Variants in CNTN1 observed in about 807,000 individuals in gnomAD.
CNTN1 encodes contactin-1.
In CNTN1, 38 loss-of-function variants were observed where a neutral mutation model predicts 126.4. That is an observed-to-expected ratio of 0.30 (90% CI 0.23 to 0.39). CNTN1 has a LOEUF of 0.39. Among genes scored for constraint, CNTN1 ranks in the 10% least tolerant of loss-of-function variants. The pLI is 1.00. For missense variants in CNTN1, 1,009 were observed against 1,248.4 expected (o/e 0.81, Z 2.89); for synonymous variants, 413 against 422.6 (o/e 0.98, Z 0.28).
chr12:41,022,917 T>A (rs1159524798), intron 20 of CNTN1, among the ~76,000 whole-genome samples: 2 of 152,178 alleles, frequency 1.3e-5, no homozygotes, highest in African/African-American at 4.8e-5. Context: ...CTTTTAAACC[T>A]TTTACACAGG....
intron 1 of CNTN1, among the ~76,000 whole-genome samples, chr12:40,758,592 G>A (rs1478211820): frequency 2.0e-5 from 3 of 151,806 alleles, no homozygotes; most frequent in Admixed American, 1.3e-4. Context: ...ATCTGTTTTT[G>A]TTTTATTTTG....
At chr12:40,863,255 A>G (rs1943176630) in intron 1 of CNTN1, among the ~76,000 whole-genome samples, 1 of 152,344 alleles carries the variant, frequency 6.6e-6, no homozygotes, top group Admixed American at 6.5e-5. Flanking sequence ...ATGATACTTA[A>G]GAAAGCTAAA....
At chr12:41,018,551 A>G (rs1187397577) in intron 19 of CNTN1, among the ~76,000 whole-genome samples, 1 of 151,854 alleles carries the variant, frequency 6.6e-6, no homozygotes, top group Non-Finnish European at 1.5e-5. Flanking sequence ...AATATACATA[A>G]CAAAATTTAA....
At chr12:40,693,393 G>T (rs1941354798) in intron 1 of CNTN1, among the ~76,000 whole-genome samples, 2 of 152,214 alleles carry the variant, frequency 1.3e-5, no homozygotes, top group Admixed American at 6.5e-5. Context: ...GCTCCGAGCG[G>T]CTGCGAGGCT....
intron 1 of CNTN1, among the ~76,000 whole-genome samples, chr12:40,740,274 T>C (rs889351714): frequency 1.3e-5 from 2 of 152,058 alleles, no homozygotes; most frequent in Admixed American, 1.3e-4. Flanking sequence ...GTGTCAATCA[T>C]TGCAAAATGC....
intron 1 of CNTN1, among the ~76,000 whole-genome samples, chr12:40,751,836 A>T (rs539329603): frequency 6.6e-6 from 1 of 152,228 alleles, no homozygotes; most frequent in African/African-American, 2.4e-5. Context: ...CATTGGTCAG[A>T]TGAAATTATA....
At chr12:40,775,520 C>T (rs1452002362) in intron 1 of CNTN1, among the ~76,000 whole-genome samples, 5 of 151,406 alleles carry the variant, frequency 3.3e-5, no homozygotes, top group African/African-American at 4.8e-5. Context: ...TAGGGAATAA[C>T]ATATGTATAT....
chr12:41,053,778 T>G (rs1022354829), intron 23 of CNTN1, among the ~76,000 whole-genome samples: 2 of 151,656 alleles, frequency 1.3e-5, no homozygotes, highest in African/African-American at 4.8e-5. Context: ...TTGGATTCAG[T>G]TAAAGGAATA....
chr12:40,880,518 C>T (rs1943835588), intron 1 of CNTN1, among the ~76,000 whole-genome samples: 3 of 151,864 alleles, frequency 2.0e-5, no homozygotes. Context: ...AGTGAGAATG[C>T]TAGAAAGGAG....
At chr12:40,806,318 T>G (rs1940853133) in intron 1 of CNTN1, among the ~76,000 whole-genome samples, 1 of 152,178 alleles carries the variant, frequency 6.6e-6, no homozygotes, top group Non-Finnish European at 1.5e-5. Context: ...TATTTGGTAT[T>G]GCTATAGAAG....
In CNTN1 at chr12:40,820,644, A is replaced by T. The variant is rs189110279; in HGVS notation, c.-76-87713A>T. ...ACAATAATAATTCCTTTTTAGGGGG[A>T]TCACAGCATCTCCCTCTCCAGGTTG... On this transcript the variant is annotated intron_variant, in intron 1 of 23. Coordinates refer to ENST00000551295, the MANE Select transcript of CNTN1 (RefSeq NM_001843.4). Among the ~76,000 whole-genome samples the T allele has an allele frequency of 5.5e-5, 8 of 145,400 alleles. No individual in the cohort carries two copies. In the East Asian group the frequency reaches 1.6e-3, roughly 28 times the overall value.
At chr12:40,904,788 G>A (rs2136789709) in intron 1 of CNTN1, among the ~76,000 whole-genome samples, 1 of 152,170 alleles carries the variant, frequency 6.6e-6, no homozygotes, top group East Asian at 1.9e-4. Context: ...TTATGTACAT[G>A]GTCCATTCAT....
intron 14 of CNTN1, among the ~76,000 whole-genome samples, chr12:40,952,845 A>G (rs144576653): frequency 8.5e-5 from 13 of 152,300 alleles, no homozygotes; most frequent in African/African-American, 3.1e-4. Context: ...TTTCATGGAT[A>G]TAGCATATAT....
chr12:40,846,195 A>C (rs1592151674), intron 1 of CNTN1, among the ~76,000 whole-genome samples: 1 of 149,532 alleles, frequency 6.7e-6, no homozygotes, highest in South Asian at 2.1e-4. Flanking sequence ...GGGTGAGGGT[A>C]AAAAAAAAAT....
intron 23 of CNTN1, among the ~76,000 whole-genome samples, chr12:41,056,457 G>C (rs1025416038): frequency 6.6e-6 from 1 of 152,082 alleles, no homozygotes; most frequent in Non-Finnish European, 1.5e-5. Flanking sequence ...TTTTTAGCAA[G>C]AACCTGATAT....
intron 23 of CNTN1, among the ~76,000 whole-genome samples, chr12:41,043,785 G>T (rs1014314278): frequency 2.5e-4 from 38 of 151,540 alleles, no homozygotes; most frequent in African/African-American, 8.5e-4. Context: ...TTAAGAAAAT[G>T]TGGCACATAT....
chr12:41,016,934 C>T lies in CNTN1; in HGVS notation c.2419+18C>T, dbSNP rs1377243145. 6.3e-7 allele frequency: 1 copy of T among 1,584,220 alleles called. No individual in the cohort carries two copies. The highest frequency in any genetic ancestry group is 8.7e-7 in the Non-Finnish European group (1 of 1,152,944). ...ACAAGACGGTAGGTGAAAGAAAGACCTTCTTACCTGAGGAGGGAGGAAAAA... is the reference window on the plus strand; with the variant it reads ...ACAAGACGGTAGGTGAAAGAAAGACTTTCTTACCTGAGGAGGGAGGAAAAA... On this transcript the variant is annotated intron_variant, in intron 19 of 23. Coordinates refer to ENST00000551295, the MANE Select transcript of CNTN1 (RefSeq NM_001843.4).
chr12:41,057,177 A>T (rs1013891564), intron 23 of CNTN1, among the ~76,000 whole-genome samples: 3 of 130,342 alleles, frequency 2.3e-5, no homozygotes, highest in African/African-American at 9.4e-5. Flanking sequence ...TATTTATATT[A>T]TAAATATTTA....
intron 1 of CNTN1, among the ~76,000 whole-genome samples, chr12:40,865,507 A>G (rs1189276354): frequency 6.6e-6 from 1 of 152,028 alleles, no homozygotes; most frequent in Non-Finnish European, 1.5e-5. Flanking sequence ...CTTATTCTGA[A>G]TCATTTTTTT....
Sources: gnomAD v4.1 joint callset for allele counts (sites outside exome capture counted in the v4.1 genomes callset) on GRCh38, gnomAD v4.1.1 for gene constraint, MANE v1.5 for transcripts, NCBI Gene and HGNC (gene_info 2026-07-23, HGNC 2026-07-21) for gene names.